The following PUDP variants were observed in gnomAD, a reference collection of about 807,000 sequenced individuals.
The protein encoded by PUDP is pseudouridine 5'-phosphatase.
In PUDP, 8 loss-of-function variants were observed where a neutral mutation model predicts 9.4. That is an observed-to-expected ratio of 0.85 (90% CI 0.50 to 1.53). The LOEUF (loss-of-function observed/expected upper bound fraction) is 1.53. Ranked by LOEUF, PUDP falls within the 40% of genes most tolerant of loss-of-function variation. The probability of loss-of-function intolerance (pLI) is 0.00; values close to 1 mark genes in which losing one functional copy is unlikely to be tolerated. For missense variants in PUDP, 188 were observed against 189.7 expected, an observed-to-expected ratio of 0.99 and a Z score of 0.05; for synonymous variants, 99 against 80.7, an observed-to-expected ratio of 1.23 and a Z score of -1.22.
chrX:6,837,028 T>C (rs1453741546), intron 3 of PUDP, among the ~76,000 whole-genome samples: 1 of 112,483 alleles, frequency 8.9e-6, no homozygotes, highest in Admixed American at 9.4e-5. Flanking sequence ...ACATGTGCAT[T>C]TGGGCACCAA....
chrX:6,761,394 T>C (rs1449495577), intron 3 of PUDP, among the ~76,000 whole-genome samples: 2 of 112,161 alleles, frequency 1.8e-5, no homozygotes, highest in East Asian at 5.6e-4. Flanking sequence ...GCAACCTCCT[T>C]GACACTATTT....
chrX:6,742,473 TA>T (rs142538063), intron 3 of PUDP, among the ~76,000 whole-genome samples: 1 of 112,546 alleles, frequency 8.9e-6, no homozygotes, highest in Non-Finnish European at 1.9e-5. Flanking sequence ...TGGCCCTTTG[TA>T]AAAAAATCTT....
At chrX:6,960,256 A>G (rs1234885413) in intron 3 of PUDP, among the ~76,000 whole-genome samples, 1 of 112,631 alleles carries the variant, frequency 8.9e-6, no homozygotes, top group Non-Finnish European at 1.9e-5. Flanking sequence ...CTAATTCTCA[A>G]TGTATTACAA....
At position 7,054,767 on chromosome X, in the gene PUDP, C is replaced by T. The variant is rs776045430; in HGVS notation, c.511-4295G>A. On this transcript the variant is annotated intron_variant, in intron 3 of 3. Coordinates refer to ENST00000381077, the MANE Select transcript of PUDP (RefSeq NM_012080.5). The stretch of plus-strand genomic sequence containing the variant: ...GGAGATACCTTTCCCCGACATTTGC[C>T]GGACTCTTACACTTCATGTCCGCTA... 4.5e-5 allele frequency among the ~76,000 whole-genome samples: 5 copies of T among 111,892 alleles called. No individual in the cohort carries two copies. The South Asian group carries it at 1.9e-3, about 42-fold the overall frequency.
At chrX:7,119,786 A>G (rs1260144771) in intron 1 of PUDP, among the ~76,000 whole-genome samples, 2 of 112,059 alleles carry the variant, frequency 1.8e-5, no homozygotes, top group African/African-American at 6.5e-5. Flanking sequence ...ACTGGTTCAA[A>G]AGGTGTTGCT....
At chrX:7,116,448 C>T (rs748793557) in intron 1 of PUDP, among the ~76,000 whole-genome samples, 2 of 111,573 alleles carry the variant, frequency 1.8e-5, no homozygotes, top group Admixed American at 1.9e-4. Flanking sequence ...TTCTTCCCAG[C>T]CACCTTGGCC....
chrX:7,101,858 AAGG>A (rs751988865), intron 2 of PUDP, among the ~76,000 whole-genome samples: 1 of 112,177 alleles, frequency 8.9e-6, no homozygotes, highest in Admixed American at 9.4e-5. Context: ...CACAAAAATA[AAGG>A]AGAATACTAT....
At chrX:6,888,113 G>A (rs894512861) in intron 3 of PUDP, among the ~76,000 whole-genome samples, 1 of 111,115 alleles carries the variant, frequency 9.0e-6, no homozygotes, top group African/African-American at 3.3e-5. Context: ...ATTGTTACTT[G>A]ACTAAAGTTT....
At chrX:7,000,592 T>C (rs1249583000) in intron 1 of PUDP, among the ~76,000 whole-genome samples, 36 of 108,010 alleles carry the variant, frequency 3.3e-4, no homozygotes, top group Non-Finnish European at 7.7e-5. Flanking sequence ...ATTTATAAAA[T>C]ATAAATAAAA....
chrX:6,751,111 C>T (rs1925071358), intron 3 of PUDP, among the ~76,000 whole-genome samples: 1 of 107,237 alleles, frequency 9.3e-6, no homozygotes, highest in Admixed American at 1.0e-4. Flanking sequence ...CACTGCACTC[C>T]AGCCTGGGTG....
At chrX:6,903,001 C>A (rs1927714166) in intron 3 of PUDP, among the ~76,000 whole-genome samples, 1 of 111,598 alleles carries the variant, frequency 9.0e-6, no homozygotes, top group African/African-American at 3.3e-5. Context: ...CACCAAAATA[C>A]ATTTAAACAT....
At chrX:6,970,346 A>G (rs746352039) in intron 3 of PUDP, among the ~76,000 whole-genome samples, 1 of 112,223 alleles carries the variant, frequency 8.9e-6, no homozygotes, top group South Asian at 3.7e-4. Flanking sequence ...TGCAATGACT[A>G]TCTGCAAAGG....
At chrX:6,734,644 C>A (rs759862370) in intron 3 of PUDP, among the ~76,000 whole-genome samples, 126 of 111,299 alleles carry the variant, frequency 1.1e-3, no homozygotes, top group Non-Finnish European at 1.8e-3. Flanking sequence ...CGCCTGTAGT[C>A]CCAGCTACTC....
intron 1 of PUDP, among the ~76,000 whole-genome samples, chrX:6,992,307 C>G (rs1361644663): frequency 1.4e-5 from 1 of 70,051 alleles, no homozygotes; most frequent in Admixed American, 1.7e-4. Context: ...GAGTCTCGCT[C>G]TGTCGCCCAG....
At chrX:7,053,460 T>C (rs756675608) in intron 3 of PUDP, among the ~76,000 whole-genome samples, 75 of 111,735 alleles carry the variant, frequency 6.7e-4, no homozygotes, top group Non-Finnish European at 1.2e-3. Flanking sequence ...AATTGAATCA[T>C]GGGGGCAGTT....
intron 3 of PUDP, among the ~76,000 whole-genome samples, chrX:6,837,309 T>G (rs186696491): frequency 2.7e-5 from 3 of 112,550 alleles, no homozygotes; most frequent in Non-Finnish European, 3.8e-5. Flanking sequence ...TGCTATCACA[T>G]CAGACAGTGT....
intron 1 of PUDP, among the ~76,000 whole-genome samples, chrX:6,720,289 C>CACAT (rs1924657081): frequency 2.1e-5 from 1 of 46,761 alleles, no homozygotes; most frequent in African/African-American, 8.8e-5. Context: ...TATATATATA[C>CACAT]ACACACACAC....
At chrX:6,933,152 C>G (rs1225894093) in intron 3 of PUDP, among the ~76,000 whole-genome samples, 3 of 106,323 alleles carry the variant, frequency 2.8e-5, no homozygotes, top group Non-Finnish European at 5.9e-5. Flanking sequence ...GATCTGAGAA[C>G]ACGCAGACTG....
chrX:7,003,948 C>T (rs749019984), intron 1 of PUDP, among the ~76,000 whole-genome samples: 18 of 111,537 alleles, frequency 1.6e-4, no homozygotes, highest in Non-Finnish European at 2.6e-4. Context: ...ACAATCTCAG[C>T]TCATTGCAAC....
Sources: allele counts gnomAD v4.1 joint callset (sites outside exome capture counted in the v4.1 genomes callset), GRCh38; gene constraint gnomAD v4.1.1; transcripts MANE v1.5; gene names NCBI Gene and HGNC (gene_info 2026-07-23, HGNC 2026-07-21).